The following XRCC4 variants were observed in gnomAD, a reference collection of about 807,000 sequenced individuals.
The protein encoded by XRCC4 is X-ray repair cross complementing 4.
In XRCC4, 28 loss-of-function variants were observed where a neutral mutation model predicts 39.1. That is an observed-to-expected ratio of 0.72 (90% CI 0.53 to 0.98). The LOEUF is 0.98. Ranked by LOEUF, XRCC4 falls within the 50% of genes least tolerant of loss-of-function variation. The pLI is 0.00. For synonymous variants in XRCC4, 123 were observed against 126.4 expected, an observed-to-expected ratio of 0.97 and a Z score of 0.18; for missense variants, 350 against 376.4, an observed-to-expected ratio of 0.93 and a Z score of 0.58.
chr5:83,340,011 T>A (rs183635305), intron 7 of XRCC4, among the ~76,000 whole-genome samples: 1 of 152,260 alleles, frequency 6.6e-6, no homozygotes, highest in Admixed American at 6.5e-5. Flanking sequence ...TGATAGATGA[T>A]AGTGGTCGCG....
At chr5:83,237,578 T>C (rs1752737757) in intron 6 of XRCC4, among the ~76,000 whole-genome samples, 1 of 151,982 alleles carries the variant, frequency 6.6e-6, no homozygotes, top group South Asian at 2.1e-4. Flanking sequence ...AATTATAATG[T>C]AGAGGGGGTG....
At chr5:83,172,773 T>TGTC (rs1026820930) in intron 3 of XRCC4, among the ~76,000 whole-genome samples, 2 of 152,166 alleles carry the variant, frequency 1.3e-5, no homozygotes, top group African/African-American at 4.8e-5. Context: ...TCCTCTAGGT[T>TGTC]ACTCACTGAT....
intron 3 of XRCC4, among the ~76,000 whole-genome samples, chr5:83,181,759 T>C (rs1415069678): frequency 6.6e-6 from 1 of 151,934 alleles, no homozygotes; most frequent in Non-Finnish European, 1.5e-5. Flanking sequence ...AGTGAAAAAA[T>C]TGGCATTACC....
chr5:83,309,042 G>A (rs1044460464), intron 7 of XRCC4, among the ~76,000 whole-genome samples: 8 of 151,430 alleles, frequency 5.3e-5, no homozygotes, highest in Non-Finnish European at 1.0e-4. Context: ...CACTTTGGGA[G>A]GCTGAGGTGG....
chr5:83,243,457 G>A (rs1035739737), intron 6 of XRCC4, among the ~76,000 whole-genome samples: 4 of 152,124 alleles, frequency 2.6e-5, no homozygotes, highest in African/African-American at 9.7e-5. Flanking sequence ...GGTGTTTCTT[G>A]CTCTTATAAT....
At chr5:83,101,863 T>C (rs1012183186) in intron 1 of XRCC4, among the ~76,000 whole-genome samples, 1 of 150,304 alleles carries the variant, frequency 6.7e-6, no homozygotes, top group African/African-American at 2.4e-5. Flanking sequence ...AAACATAAAA[T>C]TGAACCTCAG....
intron 3 of XRCC4, among the ~76,000 whole-genome samples, chr5:83,170,962 T>C (rs963471911): frequency 6.6e-6 from 1 of 152,152 alleles, no homozygotes; most frequent in South Asian, 2.1e-4. Context: ...CTTAAATGTG[T>C]CTGTATTCTT....
chr5:83,238,334 G>A (rs1455061808), intron 6 of XRCC4, among the ~76,000 whole-genome samples: 1 of 152,182 alleles, frequency 6.6e-6, no homozygotes, highest in Non-Finnish European at 1.5e-5. Flanking sequence ...ATGAGATCTT[G>A]CCTCCTTAAT....
intron 7 of XRCC4, among the ~76,000 whole-genome samples, chr5:83,274,684 A>G (rs142684707): frequency 6.6e-6 from 1 of 152,320 alleles, no homozygotes; most frequent in East Asian, 1.9e-4. Flanking sequence ...AATGACAAGC[A>G]GACATCCTGC....
intron 7 of XRCC4, among the ~76,000 whole-genome samples, chr5:83,281,132 G>C (rs764600364): frequency 1.2e-4 from 19 of 152,198 alleles, no homozygotes; most frequent in Non-Finnish European, 2.2e-4. Flanking sequence ...TAAGGTAGGA[G>C]ACCTGGGTTC....
rs528771613 is a variant in XRCC4 at position 83,129,730 on chromosome 5, T to G, written c.315+18527T>G. On this transcript the variant is annotated intron_variant, in intron 3 of 7. Coordinates refer to ENST00000396027, the MANE Select transcript of XRCC4 (RefSeq NM_003401.5). ...GTATTCCTAGGTATTTTATTCTCTT[T>G]GTAGCAATTGTGAATGGGAGTTCAC... Among the ~76,000 whole-genome samples, 13 of 152,252 alleles carry G rather than the reference T, an allele frequency of 8.5e-5. No individual in the cohort carries two copies. The South Asian group carries it at 2.5e-3, about 29-fold the overall frequency.
chr5:83,210,807 A>G (rs912904010), intron 6 of XRCC4, among the ~76,000 whole-genome samples: 10 of 152,232 alleles, frequency 6.6e-5, no homozygotes, highest in African/African-American at 2.2e-4. Flanking sequence ...TGTTGAAGTC[A>G]TCCCTGTGTA....
At chr5:83,245,482 A>T (rs147114553) in intron 6 of XRCC4, among the ~76,000 whole-genome samples, 2 of 152,228 alleles carry the variant, frequency 1.3e-5, no homozygotes, top group African/African-American at 4.8e-5. Flanking sequence ...TGTAGCTACT[A>T]GAAACCTAGG....
intron 7 of XRCC4, among the ~76,000 whole-genome samples, chr5:83,333,631 A>G (rs997881791): frequency 2.6e-5 from 4 of 152,204 alleles, no homozygotes; most frequent in African/African-American, 9.7e-5. Context: ...CTTCTCATGC[A>G]TAGTATCAAA....
In XRCC4 at chr5:83,201,412, G is replaced by A. The variant is rs556184504; in HGVS notation, c.483-2140G>A. The A allele has an allele frequency of 2.0e-5, 3 of 152,426 alleles. No homozygotes were observed. The South Asian group carries it at 6.2e-4, about 32-fold the overall frequency. 9.4% of individuals were successfully genotyped at this position (152,426 alleles called of 1,614,324 possible). On this transcript the variant is annotated intron_variant, in intron 4 of 7. Coordinates refer to ENST00000396027, the MANE Select transcript of XRCC4 (RefSeq NM_003401.5). ...TGGCCCCTAGTAAAATGCCCCACAT[G>A]AGGTTTCACACCAAGTACAAGCTGG...
In XRCC4 at chr5:83,133,325, A is replaced by C. The variant is rs1376614991; in HGVS notation, c.315+22122A>C. Among the ~76,000 whole-genome samples, 4 of 152,026 alleles carry C rather than the reference A, an allele frequency of 2.6e-5. No individual in the cohort carries two copies. In the South Asian group the frequency reaches 6.2e-4, roughly 24 times the overall value. ...CTGGGAGGTGCCTCCCAGTTAGGCT[A>C]CTCGGGCGTCAGGGACCCACTTGAG... is the stretch of plus-strand genomic sequence containing the variant. On this transcript the variant is annotated intron_variant, in intron 3 of 7. Coordinates refer to ENST00000396027, the MANE Select transcript of XRCC4 (RefSeq NM_003401.5).
Position 83,203,997 on chromosome 5 carries a change from A to C in XRCC4, c.638+290A>C, listed in dbSNP as rs563759973. ...ATTAGTAAGACATACTAATTTAAAA[A>C]AAAACTTTCATCTGCAGAACTACAA... On this transcript the variant is annotated intron_variant, in intron 5 of 7. Coordinates refer to ENST00000396027, the MANE Select transcript of XRCC4 (RefSeq NM_003401.5). Among the ~76,000 whole-genome samples the C allele has an allele frequency of 8.6e-4, 131 of 152,276 alleles. No homozygotes were observed. In the Middle Eastern group the frequency reaches 0.01, roughly 12 times the overall value.
intron 3 of XRCC4, among the ~76,000 whole-genome samples, chr5:83,184,939 T>A (rs1750369132): frequency 1.3e-5 from 2 of 152,138 alleles, no homozygotes; most frequent in South Asian, 4.1e-4. Context: ...ACAAGTCTCC[T>A]ATGGGATAAA....
chr5:83,246,388 G>A (rs1012749372), intron 6 of XRCC4, among the ~76,000 whole-genome samples: 1 of 151,972 alleles, frequency 6.6e-6, no homozygotes, highest in Non-Finnish European at 1.5e-5. Context: ...ATTCAGTGTT[G>A]GCCTTATAAT....
Sources: gnomAD v4.1 joint callset for allele counts (sites outside exome capture counted in the v4.1 genomes callset) on GRCh38, gnomAD v4.1.1 for gene constraint, MANE v1.5 for transcripts, NCBI Gene and HGNC (gene_info 2026-07-23, HGNC 2026-07-21) for gene names.